The following CSMD2 variants were observed in gnomAD, a reference collection of about 807,000 sequenced individuals.
The protein encoded by CSMD2 is CUB and sushi domain-containing protein 2.
A neutral mutation model predicts 398.5 loss-of-function variants in CSMD2; 130 were observed. The ratio of observed to expected loss-of-function variants is 0.33; its 90% CI spans 0.28 to 0.38. The LOEUF is 0.38. CSMD2 is among the 10% of genes least tolerant of loss of function. The probability of loss-of-function intolerance (pLI) is 1.00; values close to 1 mark genes in which losing one functional copy is unlikely to be tolerated. For missense variants in CSMD2, 3,829 were observed against 4,764.9 expected, an observed-to-expected ratio of 0.80 and a Z score of 5.78; for synonymous variants, 1,828 against 1,908.5, an observed-to-expected ratio of 0.96 and a Z score of 1.10.
chr1:33,618,275 C>A (rs907591727), intron 37 of CSMD2, among the ~76,000 whole-genome samples: 11 of 152,176 alleles, frequency 7.2e-5, no homozygotes, highest in African/African-American at 2.4e-4. Context: ...TCACTGAGCA[C>A]TGGCCCCGCT....
chr1:33,721,390 T>C (rs377733530), intron 19 of CSMD2, among the ~76,000 whole-genome samples: 1 of 152,260 alleles, frequency 6.6e-6, no homozygotes, highest in East Asian at 1.9e-4. Context: ...ATTTGTAAAA[T>C]AGTTGGTGAG....
chr1:33,645,679 C>T (rs565960722), intron 29 of CSMD2, among the ~76,000 whole-genome samples: 1 of 152,298 alleles, frequency 6.6e-6, no homozygotes, highest in South Asian at 2.1e-4. Context: ...ATGATATGTG[C>T]CAGGCACTGT....
chr1:33,973,778 C>T (rs902324703), intron 3 of CSMD2, among the ~76,000 whole-genome samples: 3 of 152,200 alleles, frequency 2.0e-5, no homozygotes, highest in African/African-American at 7.2e-5. Flanking sequence ...GCTCTCTAGG[C>T]AGATGCACTG....
Position 33,537,525 on chromosome 1 carries a change from GAGA to G in CSMD2, c.9713_9715del (p.Phe3238del). 6.2e-7 allele frequency: 1 copy of G among 1,614,218 alleles called. No homozygotes were observed. Among genetic ancestry groups the G allele is most frequent in the Non-Finnish European group, 8.5e-7 (1 of 1,180,040 alleles). ...CACCAGCACCAGAGGGGGATGGCAG[GAGA>G]AGGAGACAGATGACCTGTAGGAGAA... is the stretch of plus-strand genomic sequence containing the variant. On this transcript the variant is annotated inframe_deletion, in exon 61 of 71. Transcript: ENST00000373381. This position sits in a 1 kb window ranked among gnomAD's most constrained non-coding sequence, Gnocchi z 4.6.
At chr1:33,701,879 C>G (rs1571273886) in intron 22 of CSMD2, among the ~76,000 whole-genome samples, 1 of 152,192 alleles carries the variant, frequency 6.6e-6, no homozygotes, top group African/African-American at 2.4e-5. Context: ...TAGGAATCAT[C>G]AATTGCAATA....
intron 4 of CSMD2, among the ~76,000 whole-genome samples, chr1:33,924,855 AT>A (rs1360648611): frequency 1.3e-5 from 2 of 152,048 alleles, no homozygotes; most frequent in Non-Finnish European, 1.5e-5. Flanking sequence ...AAAAATGTCT[AT>A]TCATGTCCTT....
intron 26 of CSMD2, among the ~76,000 whole-genome samples, chr1:33,659,804 A>T (rs1239016110): frequency 6.6e-6 from 1 of 152,136 alleles, no homozygotes; most frequent in African/African-American, 2.4e-5. Flanking sequence ...ACTCAATAAC[A>T]CCTAAGGAAG....
intron 3 of CSMD2, among the ~76,000 whole-genome samples, chr1:34,016,755 G>A (rs1018075105): frequency 1.3e-5 from 2 of 151,974 alleles, no homozygotes; most frequent in African/African-American, 4.8e-5. Flanking sequence ...TATATATTTG[G>A]TTGAAATATA....
intron 3 of CSMD2, among the ~76,000 whole-genome samples, chr1:33,998,077 T>C (rs1358115439): frequency 6.6e-6 from 1 of 152,176 alleles, no homozygotes; most frequent in Non-Finnish European, 1.5e-5. Flanking sequence ...GATTAGGTCA[T>C]GAGGCTCTGT....
intron 5 of CSMD2, chr1:33,864,098 A>G (rs1199016914): frequency 1.6e-6 from 2 of 1,254,724 alleles, no homozygotes; most frequent in African/African-American, 1.5e-5. Context: ...AATTCGCTGC[A>G]AGTACAGCAC....
At chr1:33,963,114 T>C (rs1423522425) in intron 3 of CSMD2, among the ~76,000 whole-genome samples, 2 of 152,236 alleles carry the variant, frequency 1.3e-5, no homozygotes, top group Non-Finnish European at 2.9e-5. Flanking sequence ...TTCCTCACCC[T>C]GGATCCAACA....
At chr1:33,932,866 G>A (rs1644357176) in intron 4 of CSMD2, among the ~76,000 whole-genome samples, 2 of 152,196 alleles carry the variant, frequency 1.3e-5, no homozygotes, top group South Asian at 4.1e-4. Flanking sequence ...AGGAAACCAG[G>A]CTCTTGTGCC....
intron 5 of CSMD2, among the ~76,000 whole-genome samples, chr1:33,915,492 G>A (rs538256638): frequency 1.3e-5 from 2 of 152,286 alleles, no homozygotes; most frequent in East Asian, 3.9e-4. Context: ...AAAGAGTTCT[G>A]AGTGACTCCC....
chr1:33,519,350 C>T lies in CSMD2; in HGVS notation c.*53+115G>A. 1.6e-6 allele frequency: 1 copy of T among 638,202 alleles called. No homozygotes were observed. Among genetic ancestry groups the T allele is most frequent in the Admixed American group, 2.8e-5 (1 of 35,166 alleles). 39.5% of individuals were successfully genotyped at this position (638,202 alleles called of 1,614,324 possible). On this transcript the variant is annotated intron_variant, in intron 70 of 70. Coordinates refer to ENST00000373381, the MANE Select transcript of CSMD2 (RefSeq NM_001281956.2). The surrounding 1 kb of genome is among the most constrained non-coding windows in gnomAD (Gnocchi z 5.6). ...CAATGATGCTCAATGCACAGCTCTCCTCTTACTGGGTGTGTCTATGTGGTG... is the reference window on the plus strand; with the variant it reads ...CAATGATGCTCAATGCACAGCTCTCTTCTTACTGGGTGTGTCTATGTGGTG...
chr1:33,825,776 TA>T lies in CSMD2; in HGVS notation c.1034-3del. 1 of 1,613,226 alleles carries T rather than the reference TA, an allele frequency of 6.2e-7. No individual in the cohort carries two copies. The highest frequency in any genetic ancestry group is 8.5e-7 in the Non-Finnish European group (1 of 1,179,380). ...ACTTCAACTCAATTTGCTTCTTGAC[TA>T]GAGAGGAGGTAAGAGGAAAAACAAT... On this transcript the variant is annotated splice_region_variant and splice_polypyrimidine_tract_variant and intron_variant, in intron 6 of 70. Coordinates refer to ENST00000373381, the MANE Select transcript of CSMD2 (RefSeq NM_001281956.2).
rs139169508 is a variant in CSMD2 at position 33,750,532 on chromosome 1, C to T, written c.1847-6926G>A. Among the ~76,000 whole-genome samples, 42 of 152,248 alleles carry T rather than the reference C, an allele frequency of 2.8e-4. 2 individuals are homozygous for T. The East Asian group carries it at 3.5e-3, about 13-fold the overall frequency. On this transcript the variant is annotated intron_variant, in intron 13 of 70. Coordinates refer to ENST00000373381, the MANE Select transcript of CSMD2 (RefSeq NM_001281956.2). Reference sequence around the variant, plus strand: ...GTACCAGAGCTCAAGCTCTTGACCACGACACCTACTTCCTCCCAGAGGAGG... The same window carrying T: ...GTACCAGAGCTCAAGCTCTTGACCATGACACCTACTTCCTCCCAGAGGAGG...
chr1:33,555,691 A>G (rs1657894218), intron 55 of CSMD2, among the ~76,000 whole-genome samples: 1 of 152,254 alleles, frequency 6.6e-6, no homozygotes, highest in Non-Finnish European at 1.5e-5. Context: ...ACCAGCGAAG[A>G]GTATGACTTG....
intron 5 of CSMD2, among the ~76,000 whole-genome samples, chr1:33,897,047 G>A (rs1475578919): frequency 6.6e-6 from 1 of 152,050 alleles, no homozygotes; most frequent in Non-Finnish European, 1.5e-5. Flanking sequence ...GTAAAAGAGG[G>A]TATTCAGGCC....
chr1:33,917,430 C>T (rs926727582), intron 5 of CSMD2, among the ~76,000 whole-genome samples: 1 of 152,214 alleles, frequency 6.6e-6, no homozygotes, highest in Admixed American at 6.5e-5. Context: ...CAGATACTTC[C>T]TCAAGCCATC....
Sources: allele counts gnomAD v4.1 joint callset (sites outside exome capture counted in the v4.1 genomes callset), GRCh38; gene constraint gnomAD v4.1.1; non-coding constraint Gnocchi (gnomAD v3.1); transcripts MANE v1.5; gene names NCBI Gene and HGNC (gene_info 2026-07-23, HGNC 2026-07-21).